Variants in FASN observed in about 807,000 individuals in gnomAD.
FASN encodes the protein 3-hydroxyacyl-[acyl-carrier-protein] dehydratase.
A neutral mutation model predicts 250.0 loss-of-function variants in FASN; 50 were observed. The ratio of observed to expected loss-of-function variants is 0.20; its 90% CI spans 0.16 to 0.25. The LOEUF (loss-of-function observed/expected upper bound fraction) is 0.25, where lower values mean the gene tolerates loss of function less well. FASN is among the 10% of genes least tolerant of loss of function. The pLI is 1.00. For missense variants in FASN, 3,031 were observed against 3,498.5 expected, an observed-to-expected ratio of 0.87 and a Z score of 3.37; for synonymous variants, 1,909 against 1,584.0, an observed-to-expected ratio of 1.21 and a Z score of -4.87.
In FASN at chr17:82,088,426, C is replaced by T. The variant is rs759542635; in HGVS notation, c.2557G>A (p.Gly853Ser). The change falls in exon 16 of 43, where the codon GGT (glycine) becomes AGT (serine). Residue 853 changes from glycine to serine, a missense_variant. By Grantham distance (56) the Gly-to-Ser change is moderately conservative. Coordinates refer to ENST00000306749, the MANE Select transcript of FASN (RefSeq NM_004104.5). Reference sequence around the variant, plus strand: ...ATGGCGGCTGAGGGGGAACCTGAACCGTTGGGGAAGTCCTCGGCGGCCGGC... The same window carrying T: ...ATGGCGGCTGAGGGGGAACCTGAACTGTTGGGGAAGTCCTCGGCGGCCGGC... Reference protein sequence around the residue: ...DVPAAEDFPNGSGSPSAAIYN... With the variant: ...DVPAAEDFPNSSGSPSAAIYN... The T allele has an allele frequency of 1.3e-5, 21 of 1,612,068 alleles. No individual in the cohort carries two copies. Among genetic ancestry groups the T allele is most frequent in the Non-Finnish European group, 1.7e-5 (20 of 1,179,416 alleles).
At position 82,086,294 on chromosome 17, in the gene FASN, G is replaced by A; in HGVS notation, c.3692C>T (p.Ala1231Val). 2 of 1,592,992 alleles carry A rather than the reference G, an allele frequency of 1.3e-6. No homozygotes were observed. The highest frequency in any genetic ancestry group is 1.7e-6 in the Non-Finnish European group (2 of 1,175,030). Residue 1231 changes from alanine (A) to valine (V), a missense_variant, in exon 22 of 43, where the codon GCC (alanine) becomes GTC (valine). By Grantham distance (64) the Ala-to-Val change is moderately conservative. Transcript: ENST00000306749. ...CTTCAGGCTGGGCATGTTCTCCACGGCAGTGTCCAGGCAGGCCTTGAGTGC... is the reference window on the plus strand; with the variant it reads ...CTTCAGGCTGGGCATGTTCTCCACGACAGTGTCCAGGCAGGCCTTGAGTGC... ...SPALKACLDTAVENMPSLKMK... is the reference protein window; with the variant it reads ...SPALKACLDTVVENMPSLKMK...
At chr17:82,090,648 C>A in intron 10 of FASN, 84 bp from the exon 11 acceptor site, 1 of 1,310,222 alleles carries the variant, frequency 7.6e-7, no homozygotes. Flanking sequence ...TAGGCCATCT[C>A]CACCCCCGCG....
rs1485988404 is a variant in FASN at position 82,085,256 on chromosome 17, G to C, written c.4269C>G (p.Arg1423=). ...IFLPVDDTSF[R]WVESLKGILA... The stretch of plus-strand genomic sequence containing the variant: ...GCCTGACCTTCAGAGACTCCACCCA[G>C]CGGAAGCTGGTATCGTCCACCGGCA... Residue 1423 remains arginine (R), a synonymous_variant, in exon 24 of 43, where the codon CGC becomes CGG. Coordinates refer to ENST00000306749, the MANE Select transcript of FASN (RefSeq NM_004104.5). The C allele has an allele frequency of 6.2e-7, 1 of 1,611,662 alleles. No individual in the cohort carries two copies. The highest frequency in any genetic ancestry group is 1.3e-5 in the African/African-American group (1 of 74,918).
Position 82,083,220 on chromosome 17 carries a change from A to G in FASN, c.5547T>C (p.Ile1849=), listed in dbSNP as rs1383144041. Residue 1849 remains isoleucine, a synonymous_variant, in exon 32 of 43, where the codon ATT becomes ATC. Coordinates refer to ENST00000306749, the MANE Select transcript of FASN (RefSeq NM_004104.5). ...AFRYMAQGKH[I]GKVVVQVLAE... is the part of the protein sequence containing the mutation. ...CCCTCACCTGCACGACGACTTTGCC[A>G]ATGTGCTTCCCTTGGGCCATGTAGC... 1.9e-6 allele frequency: 3 copies of G among 1,612,580 alleles called. No individual in the cohort carries two copies. In the African/African-American group the frequency reaches 4.0e-5, roughly 22 times the overall value.
intron 3 of FASN, among the ~76,000 whole-genome samples, chr17:82,094,909 G>GA (rs2144810776): frequency 6.7e-6 from 1 of 149,472 alleles, no homozygotes; most frequent in South Asian, 2.1e-4. Context: ...GGGGTGGGGG[G>GA]ACGTGGGCAA....
At position 82,080,184 on chromosome 17, in the gene FASN, T is replaced by C. The variant is rs1379750290; in HGVS notation, c.7102A>G (p.Ile2368Val). 1.4e-5 allele frequency: 22 copies of C among 1,613,096 alleles called. No homozygotes were observed. The highest frequency in any genetic ancestry group is 1.9e-5 in the Non-Finnish European group (22 of 1,180,024). Residue 2368 changes from isoleucine to valine, a missense_variant, in exon 41 of 43, where the codon ATA becomes GTA. Ile to Val is a conservative substitution (Grantham distance 29). Coordinates refer to ENST00000306749, the MANE Select transcript of FASN (RefSeq NM_004104.5). ...GTGAACTGCTGCACGAAGAAGCATATGGCCTCCGTCTCAGCCTCAGCCTCA... is the reference window on the plus strand; with the variant it reads ...GTGAACTGCTGCACGAAGAAGCATACGGCCTCCGTCTCAGCCTCAGCCTCA... ...GCEAEAETEAICFFVQQFTDM... is the reference protein window; with the variant it reads ...GCEAEAETEAVCFFVQQFTDM...
chr17:82,079,848 T>C (rs1018014096), intron 41 of FASN: 6 of 638,916 alleles, frequency 9.4e-6, no homozygotes, highest in Admixed American at 2.9e-5. Flanking sequence ...GGTGGGACTA[T>C]AGGTGAGTGC....
chr17:82,085,892 A>C, intron 22 of FASN, 21 bp from the exon 23 acceptor site: 1 of 1,518,052 alleles, frequency 6.6e-7, no homozygotes, highest in Non-Finnish European at 8.8e-7. Flanking sequence ...TGAATTCTGG[A>C]ATCAGCCCCA....
chr17:82,084,088 C>T lies in FASN; in HGVS notation c.4985G>A (p.Arg1662His). 2 of 1,562,112 alleles carry T rather than the reference C, an allele frequency of 1.3e-6. No homozygotes were observed. The highest frequency in any genetic ancestry group is 1.7e-6 in the Non-Finnish European group (2 of 1,154,844). Residue 1662 changes from arginine (R) to histidine (H), a missense_variant, in exon 29 of 43, where the codon CGT becomes CAT. Transcript: ENST00000306749. The stretch of plus-strand genomic sequence containing the variant: ...CGTCTCCCCGGGGCGCACCCGCCCA[C>T]GCACCACCAGCGCGTAGTAGGCCGT... The part of the protein sequence containing the change: ...YSTAYYALVV[R>H]GRVRPGETLL...
In FASN at chr17:82,083,108, G is replaced by C; in HGVS notation, c.5573C>G (p.Ala1858Gly). The C allele has an allele frequency of 1.9e-6, 3 of 1,610,026 alleles. No homozygotes were observed. Among genetic ancestry groups the C allele is most frequent in the Non-Finnish European group, 2.5e-6 (3 of 1,179,940 alleles). The change falls in exon 33 of 43, where the codon GCG (alanine) becomes GGG (glycine). Residue 1858 changes from alanine to glycine, a missense_variant. Ala to Gly is a moderately conservative substitution (Grantham distance 60). Transcript: ENST00000306749. ...CTTCAGCACTGCCTCCGGCTCCTCCGCAAGCACCTGCGTCCAAGCAGCACC... is the reference window on the plus strand; with the variant it reads ...CTTCAGCACTGCCTCCGGCTCCTCCCCAAGCACCTGCGTCCAAGCAGCACC... ...HIGKVVVQVL[A>G]EEPEAVLKGA... is the part of the protein sequence containing the mutation.
Position 82,081,368 on chromosome 17 carries a change from C to A in FASN, c.6407-16G>T. On this transcript the variant is annotated splice_polypyrimidine_tract_variant and intron_variant, in intron 37 of 42. Coordinates refer to ENST00000306749, the MANE Select transcript of FASN (RefSeq NM_004104.5). ...TCGCGGATGCCTGGAAGGGATGCGC[C>A]GGGTCGGCAACTCCAGAGGGGGCAT... 6.4e-7 allele frequency: 1 copy of A among 1,558,360 alleles called. No homozygotes were observed. Among genetic ancestry groups the A allele is most frequent in the East Asian group, 2.4e-5 (1 of 41,996 alleles).
At chr17:82,097,911 G>A (rs1269797856) in intron 1 of FASN, among the ~76,000 whole-genome samples, 1 of 151,982 alleles carries the variant, frequency 6.6e-6, no homozygotes, top group African/African-American at 2.4e-5. Flanking sequence ...TCCTTCCCCC[G>A]CCATCCGCCC....
rs756983531 is a variant in FASN, at chr17:82,083,099, G to A, written c.5582C>T (p.Pro1861Leu). The change falls in exon 33 of 43, where the codon CCG (proline) becomes CTG (leucine). Residue 1861 changes from proline (P) to leucine (L), a missense_variant. Transcript: ENST00000306749. ...KVVVQVLAEEPEAVLKGAKPK... is the reference protein window; with the variant it reads ...KVVVQVLAEELEAVLKGAKPK... ...TTTGGCCCCCTTCAGCACTGCCTCC[G>A]GCTCCTCCGCAAGCACCTGCGTCCA... The A allele has an allele frequency of 3.8e-5, 62 of 1,610,432 alleles. No homozygotes were observed. Among genetic ancestry groups the A allele is most frequent in the Middle Eastern group, 1.6e-4 (1 of 6,084 alleles).
At chr17:82,079,733 G>T (rs1455046641) in intron 41 of FASN, 125 bp from the exon 42 acceptor site, 2 of 1,346,412 alleles carry the variant, frequency 1.5e-6, no homozygotes, top group African/African-American at 1.5e-5. Flanking sequence ...GCTAGATGGA[G>T]TGGGGCGATC....
chr17:82,094,698 A>G (rs1024908955), intron 3 of FASN, among the ~76,000 whole-genome samples: 1 of 151,784 alleles, frequency 6.6e-6, no homozygotes, highest in Admixed American at 6.6e-5. Flanking sequence ...CTGAGGCAGG[A>G]GAATGGTGTG....
chr17:82,084,410 CA>C (rs1470157007), intron 27 of FASN, 26 bp from the exon 28 acceptor site: 1 of 1,595,078 alleles, frequency 6.3e-7, no homozygotes. Flanking sequence ...CTGAGCCCCT[CA>C]CCGCCTGCCC....
Position 82,092,694 on chromosome 17 carries a change from C to T in FASN, c.894+3G>A. The T allele has an allele frequency of 6.3e-7, 1 of 1,579,376 alleles. No homozygotes were observed. ...TGAGTGGGGCGGGGGGGGGGGGCAT[C>T]ACCTTGGTGCCTGTGCCGTGGGCTT... On this transcript the variant is annotated splice_donor_region_variant and intron_variant, in intron 7 of 42. Coordinates refer to ENST00000306749, the MANE Select transcript of FASN (RefSeq NM_004104.5).
In FASN at chr17:82,084,116, T is replaced by C; in HGVS notation, c.4957A>G (p.Ser1653Gly). The C allele has an allele frequency of 5.7e-6, 9 of 1,580,558 alleles. No individual in the cohort carries two copies. The highest frequency in any genetic ancestry group is 1.3e-5 in the African/African-American group (1 of 74,146). ...EEAASVPVVY[S>G]TAYYALVVRG... The stretch of plus-strand genomic sequence containing the variant: ...ACCACCAGCGCGTAGTAGGCCGTGC[T>C]GTAGACGACAGGCACCGAGGCCGCC... Residue 1653 changes from serine to glycine, a missense_variant, in exon 29 of 43, where the codon AGC becomes GGC. Coordinates refer to ENST00000306749, the MANE Select transcript of FASN (RefSeq NM_004104.5).
In FASN at chr17:82,078,474, T is replaced by C. The variant is rs1420739246; in HGVS notation, c.*669A>G. 2 of 153,614 alleles carry C rather than the reference T, an allele frequency of 1.3e-5. No individual in the cohort carries two copies. The highest frequency in any genetic ancestry group is 2.9e-5 in the Non-Finnish European group (2 of 69,148). The allele number at this position is 153,614 out of a possible 1,614,324, so 9.5% of individuals were successfully genotyped here. On this transcript the variant is annotated 3_prime_UTR_variant, in exon 43 of 43. Transcript: ENST00000306749. The surrounding 1 kb of genome is among the most constrained non-coding windows in gnomAD (Gnocchi z 5.4). Reference sequence around the variant, plus strand: ...AAAATCCAAGCAGCAATTTGAATCATTTCTTGAAAAACAAACACAGACAAA... The same window carrying C: ...AAAATCCAAGCAGCAATTTGAATCACTTCTTGAAAAACAAACACAGACAAA...
Sources: gnomAD v4.1 joint callset for allele counts (sites outside exome capture counted in the v4.1 genomes callset) on GRCh38, gnomAD v4.1.1 for gene constraint, Gnocchi (gnomAD v3.1) non-coding constraint, MANE v1.5 for transcripts, NCBI Gene and HGNC (gene_info 2026-07-23, HGNC 2026-07-21) for gene names.